Variants in PTPRZ1 observed in about 807,000 individuals in gnomAD.
PTPRZ1 encodes protein tyrosine phosphatase receptor type Z1, also known as receptor-type tyrosine-protein phosphatase zeta.
Under a neutral mutation model 214.1 loss-of-function variants are expected in PTPRZ1, and 82 were observed. The observed-to-expected ratio is 0.38, with a 90% CI of 0.32 to 0.46. PTPRZ1 has a LOEUF of 0.46. Among genes scored for constraint, PTPRZ1 ranks in the 20% least tolerant of loss-of-function variants. The pLI, the probability that PTPRZ1 is intolerant of heterozygous loss-of-function variation, is 1.00. For synonymous variants in PTPRZ1, 945 were observed against 987.9 expected, an observed-to-expected ratio of 0.96 and a Z score of 0.81; for missense variants, 2,603 against 2,748.7, an observed-to-expected ratio of 0.95 and a Z score of 1.19.
chr7:121,996,851 TTTC>T (rs1798157809), intron 9 of PTPRZ1, among the ~76,000 whole-genome samples: 1 of 152,184 alleles, frequency 6.6e-6, no homozygotes. Context: ...TAGTGTGGCC[TTTC>T]TTAAGATTTC....
chr7:122,059,787 C>G lies in PTPRZ1; in HGVS notation c.6706C>G (p.Leu2236Val), dbSNP rs760806071. 1.9e-6 allele frequency: 3 copies of G among 1,612,224 alleles called. No homozygotes were observed. The highest frequency in any genetic ancestry group is 2.5e-6 in the Non-Finnish European group (3 of 1,179,454). The change falls in exon 29 of 30, where the codon CTG becomes GTG. Residue 2236 changes from leucine to valine, a missense_variant. By Grantham distance (32) the Leu-to-Val change is conservative (BLOSUM62 1). Coordinates refer to ENST00000393386, the MANE Select transcript of PTPRZ1 (RefSeq NM_002851.3). ...AGTGACGGCAGGAACTTTCTGTGCT[C>G]TGACAACCCTTATGCACCAACTAGA... ...GGVTAGTFCA[L>V]TTLMHQLEKE... is the part of the protein sequence containing the mutation.
At chr7:122,004,156 GTTGCTAAATAAGAAAATAAATTC>G (rs1379936770) in intron 10 of PTPRZ1, among the ~76,000 whole-genome samples, 2 of 152,238 alleles carry the variant, frequency 1.3e-5, no homozygotes, top group African/African-American at 4.8e-5. Context: ...TAAGGAAGAG[GTTGCTAAATAAGAAAATAAATTC>G]TACCAATTCT....
At chr7:121,941,726 T>C (rs2116423396) in intron 2 of PTPRZ1, among the ~76,000 whole-genome samples, 1 of 152,334 alleles carries the variant, frequency 6.6e-6, no homozygotes, top group Admixed American at 6.5e-5. Context: ...ATAATGGTCC[T>C]TTTATGTATC....
At chr7:121,951,147 G>A (rs937180098) in intron 2 of PTPRZ1, among the ~76,000 whole-genome samples, 1 of 152,162 alleles carries the variant, frequency 6.6e-6, no homozygotes, top group Non-Finnish European at 1.5e-5. Flanking sequence ...GAGAATAAAT[G>A]TTTTATTCCA....
At chr7:121,985,290 G>A (rs569646874) in intron 8 of PTPRZ1, among the ~76,000 whole-genome samples, 1 of 152,134 alleles carries the variant, frequency 6.6e-6, no homozygotes, top group African/African-American at 2.4e-5. Flanking sequence ...AAAGAAAGTG[G>A]ATTTAACCAT....
chr7:121,956,118 C>G (rs935598381), intron 2 of PTPRZ1, among the ~76,000 whole-genome samples: 1 of 152,098 alleles, frequency 6.6e-6, no homozygotes, highest in Admixed American at 6.6e-5. Context: ...TACTCACACT[C>G]GTCCTACTGA....
At chr7:122,059,001 T>G (rs183627064) in intron 28 of PTPRZ1, 59 bp downstream of exon 28, 52 of 1,449,874 alleles carry the variant, frequency 3.6e-5, no homozygotes, top group Non-Finnish European at 4.7e-6. Flanking sequence ...TATGTATATT[T>G]CTGTTGTCTT....
chr7:122,060,522 G>A lies in PTPRZ1; in HGVS notation c.6808-558G>A, dbSNP rs73440976. 5.4e-3 allele frequency among the ~76,000 whole-genome samples: 816 copies of A among 152,292 alleles called. 7 individuals are homozygous for A. Among genetic ancestry groups the A allele is most frequent in the African/African-American group, 0.019 (779 of 41,578 alleles). ...CTGTTTCATGCTTCTATGTGCCACT[G>A]CTCTGAGACCACAGCAGAGAAGGTA... is the stretch of plus-strand genomic sequence containing the variant. On this transcript the variant is annotated intron_variant, in intron 29 of 29. Transcript: ENST00000393386.
chr7:121,976,272 A>C lies in PTPRZ1; in HGVS notation c.552+4A>C, dbSNP rs752029429. On this transcript the variant is annotated splice_donor_region_variant and intron_variant, in intron 5 of 29. Transcript: ENST00000393386. ...AGCTTTATCCATTTTGTTTGAGGTA[A>C]TATATATACACTTTACACTAATGTA... The C allele has an allele frequency of 1.9e-6, 3 of 1,544,380 alleles. No individual in the cohort carries two copies. In the Admixed American group the frequency reaches 5.0e-5, roughly 26 times the overall value.
chr7:121,991,205 G>A (rs994679510), intron 8 of PTPRZ1, among the ~76,000 whole-genome samples: 1 of 152,178 alleles, frequency 6.6e-6, no homozygotes, highest in African/African-American at 2.4e-5. Context: ...AATTTGCAAA[G>A]CAGTACAGTC....
intron 2 of PTPRZ1, among the ~76,000 whole-genome samples, chr7:121,966,699 CTAAT>C: frequency 6.6e-6 from 1 of 152,210 alleles, no homozygotes; most frequent in South Asian, 2.1e-4. Flanking sequence ...CATGGTGTGA[CTAAT>C]TATTATTTAT....
chr7:122,013,990 A>G (rs1236462257), intron 12 of PTPRZ1, 101 bp downstream of exon 12: 3 of 991,456 alleles, frequency 3.0e-6, no homozygotes, highest in South Asian at 4.8e-5. Context: ...AAAATGGTAC[A>G]TCATCATTTT....
At position 122,029,250 on chromosome 7, in the gene PTPRZ1, A is replaced by G. The variant is rs567016569; in HGVS notation, c.5080+607A>G. 3.1e-3 allele frequency among the ~76,000 whole-genome samples: 479 copies of G among 152,134 alleles called. 3 individuals are homozygous for G. The highest frequency in any genetic ancestry group is 0.011 in the African/African-American group (461 of 41,558). ...ATTTGGGAAGACTTTAGCTATTTTT[A>G]TCATAATTTATCTGAATAACAGTAT... On this transcript the variant is annotated intron_variant, in intron 14 of 29. Coordinates refer to ENST00000393386, the MANE Select transcript of PTPRZ1 (RefSeq NM_002851.3).
intron 2 of PTPRZ1, among the ~76,000 whole-genome samples, chr7:121,937,589 G>A (rs186480265): frequency 3.6e-4 from 55 of 152,278 alleles, no homozygotes; most frequent in African/African-American, 1.2e-3. Context: ...TTCAGCAGCC[G>A]AGGTGCATGT....
At chr7:121,946,064 T>C (rs1046238350) in intron 2 of PTPRZ1, among the ~76,000 whole-genome samples, 1 of 152,206 alleles carries the variant, frequency 6.6e-6, no homozygotes, top group African/African-American at 2.4e-5. Context: ...TCAGGAGTCT[T>C]GGCTGCTAGT....
At chr7:122,028,030 A>G (rs1018682613) in intron 13 of PTPRZ1, among the ~76,000 whole-genome samples, 8 of 152,144 alleles carry the variant, frequency 5.3e-5, no homozygotes, top group African/African-American at 1.9e-4. Context: ...GTTCATTTCT[A>G]TGTACTATGG....
At position 121,873,496 on chromosome 7, in the gene PTPRZ1, GGA is replaced by G. The variant is rs779079489; in HGVS notation, c.-3_-2del. On this transcript the variant is annotated 5_prime_UTR_variant, in exon 1 of 30. Transcript: ENST00000393386. ...CACGGCGAGGGGCCGCAGACCGTCT[GGA>G]AATGCGAATCCTAAAGCGTTTCCTC... 1 of 1,613,888 alleles carries G rather than the reference GGA, an allele frequency of 6.2e-7. No homozygotes were observed. Among genetic ancestry groups the G allele is most frequent in the Non-Finnish European group, 8.5e-7 (1 of 1,180,012 alleles).
intron 1 of PTPRZ1, among the ~76,000 whole-genome samples, chr7:121,925,793 T>C (rs777501591): frequency 4.6e-5 from 7 of 152,202 alleles, no homozygotes; most frequent in Non-Finnish European, 1.0e-4. Context: ...TCTAAATAAA[T>C]TCATATCTTT....
At chr7:121,919,066 T>A (rs545409708) in intron 1 of PTPRZ1, among the ~76,000 whole-genome samples, 2 of 152,170 alleles carry the variant, frequency 1.3e-5, no homozygotes, top group East Asian at 3.9e-4. Flanking sequence ...AATTATTGTG[T>A]CCAAGATATG....
Sources: allele counts gnomAD v4.1 joint callset (sites outside exome capture counted in the v4.1 genomes callset), GRCh38; gene constraint gnomAD v4.1.1; transcripts MANE v1.5; gene names NCBI Gene and HGNC (gene_info 2026-07-23, HGNC 2026-07-21).